The following AIF1L variants were observed in gnomAD, a reference collection of about 807,000 sequenced individuals.
The protein encoded by AIF1L is allograft inflammatory factor 1-like.
A neutral mutation model predicts 20.7 loss-of-function variants in AIF1L; 12 were observed. The ratio of observed to expected loss-of-function variants is 0.58; its 90% CI spans 0.37 to 0.94. The LOEUF is 0.94. Ranked by LOEUF, AIF1L falls within the 40% of genes least tolerant of loss-of-function variation. AIF1L has a pLI of 0.01. For synonymous variants in AIF1L, 76 were observed against 65.1 expected, an observed-to-expected ratio of 1.17 and a Z score of -0.81; for missense variants, 173 against 185.3, an observed-to-expected ratio of 0.93 and a Z score of 0.39.
Position 131,106,183 on chromosome 9 carries a change from C to T in AIF1L, c.94-5414C>T. 4 of 1,535,292 alleles carry T rather than the reference C, an allele frequency of 2.6e-6. No homozygotes were observed. The African/African-American group carries it at 5.5e-5, about 21-fold the overall frequency. On this transcript the variant is annotated intron_variant, in intron 2 of 5. Transcript: ENST00000247291. ...GCTGCCTCCTGATACCCACTTCCTC[C>T]TCAGTACTGTGCAGGGAGGGAGCCG...
intron 2 of AIF1L, among the ~76,000 whole-genome samples, chr9:131,104,722 A>G (rs1030900826): frequency 1.3e-5 from 2 of 152,270 alleles, no homozygotes; most frequent in South Asian, 4.2e-4. Context: ...AAAAAATAAT[A>G]AACAGCTAAC....
intron 2 of AIF1L, chr9:131,106,195 C>T (rs1830742901): frequency 3.9e-6 from 6 of 1,535,524 alleles, no homozygotes; most frequent in Admixed American, 2.0e-5. Flanking sequence ...CAGTACTGTG[C>T]AGGGAGGGAG....
Position 131,117,801 on chromosome 9 carries a change from A to G in AIF1L, c.248A>G (p.Lys83Arg), listed in dbSNP as rs761153815. The G allele has an allele frequency of 6.2e-6, 10 of 1,614,066 alleles. No homozygotes were observed. In the East Asian group the frequency reaches 8.9e-5, roughly 14 times the overall value. Residue 83 changes from lysine to arginine, a missense_variant, in exon 5 of 6, where the codon AAG becomes AGG. Physicochemically the swap from Lys to Arg is conservative, Grantham distance 26. Transcript: ENST00000247291. The part of the protein sequence containing the change: ...KRMMEKLGVP[K>R]THLEMKKMIS... ...ATGATGGAGAAGCTTGGTGTCCCCA[A>G]GACCCACCTGGAGATGAAGAAGATG... is the stretch of plus-strand genomic sequence containing the variant.
chr9:131,109,704 G>T (rs1420562468), intron 2 of AIF1L, among the ~76,000 whole-genome samples: 1 of 152,250 alleles, frequency 6.6e-6, no homozygotes, highest in Non-Finnish European at 1.5e-5. Flanking sequence ...TTAGCCGCAA[G>T]ATACATAAGT....
intron 2 of AIF1L, among the ~76,000 whole-genome samples, chr9:131,105,304 A>G (rs1564165057): frequency 6.6e-6 from 1 of 152,214 alleles, no homozygotes; most frequent in Non-Finnish European, 1.5e-5. Flanking sequence ...CTGCCCACAC[A>G]TGAGGAGCTC....
chr9:131,100,999 G>A (rs778789444), intron 2 of AIF1L, among the ~76,000 whole-genome samples: 3 of 152,212 alleles, frequency 2.0e-5, no homozygotes, highest in South Asian at 4.1e-4. Flanking sequence ...CTAAGTTTAC[G>A]CGATTCTTCT....
intron 2 of AIF1L, among the ~76,000 whole-genome samples, chr9:131,108,733 G>T (rs151275279): frequency 6.8e-4 from 104 of 152,304 alleles, no homozygotes; most frequent in African/African-American, 2.4e-3. Context: ...TTAATGTGGA[G>T]AAATTTGAGC....
At chr9:131,097,225 A>T (rs1291129477) in intron 2 of AIF1L, among the ~76,000 whole-genome samples, 1 of 152,196 alleles carries the variant, frequency 6.6e-6, no homozygotes. Flanking sequence ...TCTCCAGCTC[A>T]GAACACAGGC....
At chr9:131,106,330 T>C in intron 2 of AIF1L, 1 of 1,189,182 alleles carries the variant, frequency 8.4e-7, no homozygotes, top group East Asian at 2.5e-5. Context: ...GAGCGTCTGC[T>C]ATGTGGAACC....
At chr9:131,104,046 C>G (rs1013325351) in intron 2 of AIF1L, among the ~76,000 whole-genome samples, 1 of 152,164 alleles carries the variant, frequency 6.6e-6, no homozygotes, top group Non-Finnish European at 1.5e-5. Context: ...CTCCCAGGCC[C>G]CAGCCTTGGA....
rs1831146507 is a variant in AIF1L at position 131,121,923 on chromosome 9, C to T, written c.*1601C>T. ...GTTCTGAAGTCTCTTACCCTACCTG[C>T]TCAGGACTGAGACAGTTATTCACTG... On this transcript the variant is annotated 3_prime_UTR_variant, in exon 6 of 6. Coordinates refer to ENST00000247291, the MANE Select transcript of AIF1L (RefSeq NM_031426.4). 1 of 152,300 alleles carries T rather than the reference C, an allele frequency of 6.6e-6. No individual in the cohort carries two copies. The highest frequency in any genetic ancestry group is 1.5e-5 in the Non-Finnish European group (1 of 68,058). 9.4% of individuals were successfully genotyped at this position (152,300 alleles called of 1,614,324 possible). A position where few individuals can be genotyped will look rare whatever the true frequency, so the allele number is the denominator to read the frequency against.
rs1294095796 is a variant in AIF1L, at chr9:131,097,344, C to T, written c.93+481C>T. ...AAACGGTCCTCCCTCCTCATCCTCC[C>T]GAGTAGCTGGGACTACAGGCATGTG... is the stretch of plus-strand genomic sequence containing the variant. On this transcript the variant is annotated intron_variant, in intron 2 of 5. Transcript: ENST00000247291. 2.0e-5 allele frequency among the ~76,000 whole-genome samples: 3 copies of T among 152,324 alleles called. 1 individual carries two copies. The East Asian group carries it at 5.8e-4, about 29-fold the overall frequency.
Position 131,096,594 on chromosome 9 carries a change from G to A in AIF1L, c.-36G>A, listed in dbSNP as rs1588176548. On this transcript the variant is annotated 5_prime_UTR_variant, in exon 1 of 6. Coordinates refer to ENST00000247291, the MANE Select transcript of AIF1L (RefSeq NM_031426.4). ...CTCCTCCTCGTCCCTCGCCGCGTCC[G>A]CGAAGCCTGGAGCCGGCGGGAGCCC... 6 of 1,484,650 alleles carry A rather than the reference G, an allele frequency of 4.0e-6. No individual in the cohort carries two copies. In the East Asian group the frequency reaches 1.8e-4, roughly 43 times the overall value. 92.0% of individuals were successfully genotyped at this position (1,484,650 alleles called of 1,614,324 possible). A position where few individuals can be genotyped will look rare whatever the true frequency, so the allele number is the denominator to read the frequency against.
chr9:131,116,225 G>A (rs1383393308), intron 4 of AIF1L, among the ~76,000 whole-genome samples: 2 of 151,992 alleles, frequency 1.3e-5, no homozygotes, highest in Non-Finnish European at 2.9e-5. Context: ...GAAAAAATAA[G>A]TGAAATAAAA....
At chr9:131,107,435 A>G (rs1350100610) in intron 2 of AIF1L, among the ~76,000 whole-genome samples, 3 of 152,220 alleles carry the variant, frequency 2.0e-5, no homozygotes, top group Non-Finnish European at 4.4e-5. Flanking sequence ...TTTCTGGTCA[A>G]CCAGACCCCA....
intron 2 of AIF1L, among the ~76,000 whole-genome samples, chr9:131,110,890 G>T (rs1016572696): frequency 2.0e-5 from 3 of 152,030 alleles, no homozygotes; most frequent in African/African-American, 7.2e-5. Context: ...GGCCGGGCGC[G>T]GTGGCTCACA....
At chr9:131,097,157 A>C (rs1830548817) in intron 2 of AIF1L, among the ~76,000 whole-genome samples, 1 of 152,054 alleles carries the variant, frequency 6.6e-6, no homozygotes, top group Non-Finnish European at 1.5e-5. Context: ...GGCTCCCCGC[A>C]AGCCCGCTTG....
At chr9:131,101,269 G>T (rs1229547197) in intron 2 of AIF1L, among the ~76,000 whole-genome samples, 1 of 152,078 alleles carries the variant, frequency 6.6e-6, no homozygotes. Flanking sequence ...TCATCATCTC[G>T]CTGACCCCGC....
chr9:131,096,641 G>T lies in AIF1L; in HGVS notation c.12G>T (p.Glu4Asp). 2.7e-6 allele frequency: 4 copies of T among 1,484,718 alleles called. No individual in the cohort carries two copies. Among genetic ancestry groups the T allele is most frequent in the Non-Finnish European group, 2.7e-6 (3 of 1,125,574 alleles). 92.0% of individuals were successfully genotyped at this position (1,484,718 alleles called of 1,614,324 possible). ...GCCCCGCGCTCGCCATGTCGGGCGAGCTCAGCAACAGGTTCCAAGGTAGGC... is the reference window on the plus strand; with the variant it reads ...GCCCCGCGCTCGCCATGTCGGGCGATCTCAGCAACAGGTTCCAAGGTAGGC... MSGELSNRFQGGKA... is the reference protein window; with the variant it reads MSGDLSNRFQGGKA... The change falls in exon 1 of 6, where the codon GAG becomes GAT. Residue 4 changes from glutamate to aspartate, a missense_variant. Physicochemically the swap from Glu to Asp is conservative, Grantham distance 45. Transcript: ENST00000247291.
Sources: allele counts gnomAD v4.1 joint callset (sites outside exome capture counted in the v4.1 genomes callset), GRCh38; gene constraint gnomAD v4.1.1; transcripts MANE v1.5; gene names NCBI Gene and HGNC (gene_info 2026-07-23, HGNC 2026-07-21).